Variants in GARIN1B observed in about 807,000 individuals in gnomAD.
GARIN1B encodes golgi associated RAB2 interactor 1B, also known as Golgi-associated RAB2 interactor protein 1B.
At chr7:128,720,521 C>T in the GARIN1B span, among the ~76,000 whole-genome samples, 18 of 152,122 alleles carry the variant, frequency 1.2e-4, no homozygotes, top group Non-Finnish European at 2.2e-4. Flanking sequence ...CTATGCATAC[C>T]TAAGAACTCT....
chr7:128,721,184 T>C, the GARIN1B span, among the ~76,000 whole-genome samples: 7 of 152,174 alleles, frequency 4.6e-5, no homozygotes, highest in African/African-American at 1.7e-4. Context: ...AATGGGGTCT[T>C]GCTCTGTTGC....
the GARIN1B span, chr7:128,714,079 T>C: frequency 6.5e-7 from 1 of 1,535,902 alleles, no homozygotes; most frequent in Non-Finnish European, 8.7e-7. Context: ...TAACAGGTGC[T>C]GGAGCAGGGG....
At chr7:128,715,662 C>T in the GARIN1B span, 1 of 1,614,120 alleles carries the variant, frequency 6.2e-7, no homozygotes, top group Non-Finnish European at 8.5e-7. Context: ...TTTCTTGACT[C>T]CGTGGTGTTT....
At chr7:128,728,116 G>T in the GARIN1B span, among the ~76,000 whole-genome samples, 1 of 152,134 alleles carries the variant, frequency 6.6e-6, no homozygotes, top group Non-Finnish European at 1.5e-5. Flanking sequence ...TCTAAATCAG[G>T]GATTACAAAT....
At chr7:128,723,144 T>C in the GARIN1B span, 1 of 1,492,782 alleles carries the variant, frequency 6.7e-7, no homozygotes, top group Non-Finnish European at 9.0e-7. Flanking sequence ...ATTAGGAAAA[T>C]GTGAAGACCC....
chr7:128,726,854 C>T, the GARIN1B span: 1 of 1,614,008 alleles, frequency 6.2e-7, no homozygotes, highest in Non-Finnish European at 8.5e-7. Context: ...AAGGTGGAGA[C>T]CAACAAGAAC....
chr7:128,727,899 A>G, the GARIN1B span, among the ~76,000 whole-genome samples: 1 of 152,140 alleles, frequency 6.6e-6, no homozygotes, highest in Non-Finnish European at 1.5e-5. Flanking sequence ...ATATTTCTTC[A>G]GTGAATACTA....
chr7:128,718,151 G>T, the GARIN1B span, among the ~76,000 whole-genome samples: 1 of 152,110 alleles, frequency 6.6e-6, no homozygotes, highest in African/African-American at 2.4e-5. Context: ...AAGAAATTTT[G>T]GCTGGGCGCG....
the GARIN1B span, among the ~76,000 whole-genome samples, chr7:128,714,501 T>G: frequency 6.6e-6 from 1 of 151,710 alleles, no homozygotes; most frequent in South Asian, 2.1e-4. Flanking sequence ...TCGCTTGAAC[T>G]CGGGAGGCAG....
At chr7:128,717,092 A>G in the GARIN1B span, 2 of 1,154,102 alleles carry the variant, frequency 1.7e-6, no homozygotes, top group Non-Finnish European at 2.4e-6. Flanking sequence ...GAAGATAGAG[A>G]TGTCATCAGC....
the GARIN1B span, among the ~76,000 whole-genome samples, chr7:128,710,788 G>T: frequency 2.0e-5 from 3 of 151,754 alleles, no homozygotes; most frequent in Admixed American, 2.0e-4. Flanking sequence ...TGAGTAGTTG[G>T]GATTACAGCC....
the GARIN1B span, among the ~76,000 whole-genome samples, chr7:128,716,365 C>T: frequency 1.5e-4 from 23 of 151,882 alleles, no homozygotes; most frequent in Admixed American, 6.6e-5. Flanking sequence ...CGGGGAAGGA[C>T]CAAGAGGATA....
chr7:128,712,028 G>A, the GARIN1B span, among the ~76,000 whole-genome samples: 10 of 152,232 alleles, frequency 6.6e-5, no homozygotes, highest in African/African-American at 2.4e-4. Context: ...ATGACAGAGC[G>A]AGACTCCGCC....
the GARIN1B span, chr7:128,731,226 A>T: frequency 9.9e-7 from 1 of 1,009,258 alleles, no homozygotes. Context: ...GCAACCAAGG[A>T]AGAATAGAGT....
At chr7:128,709,750 C>CTGTCTT in the GARIN1B span, among the ~76,000 whole-genome samples, 50,300 of 113,504 alleles carry the variant, frequency 0.44, 14,145 homozygotes, top group Middle Eastern at 0.6. Flanking sequence ...CTCTCTCTCT[C>CTGTCTT]TTTTTTTTTT....
At chr7:128,711,479 C>T in the GARIN1B span, among the ~76,000 whole-genome samples, 1 of 151,876 alleles carries the variant, frequency 6.6e-6, no homozygotes, top group Non-Finnish European at 1.5e-5. Context: ...TGGGTACTGA[C>T]TTGGATAAGC....
chr7:128,726,396 T>C, the GARIN1B span, among the ~76,000 whole-genome samples: 3 of 152,268 alleles, frequency 2.0e-5, no homozygotes, highest in African/African-American at 4.8e-5. Flanking sequence ...CATTTAGCTC[T>C]TTCTTGTTAG....
the GARIN1B span, among the ~76,000 whole-genome samples, chr7:128,721,828 G>T: frequency 6.6e-6 from 1 of 151,970 alleles, no homozygotes; most frequent in Non-Finnish European, 1.5e-5. Flanking sequence ...TATTAGATTT[G>T]TTAAATGCTT....
At chr7:128,716,635 T>G in the GARIN1B span, among the ~76,000 whole-genome samples, 11 of 151,448 alleles carry the variant, frequency 7.3e-5, no homozygotes, top group East Asian at 5.8e-4. Context: ...CTACTAGAAC[T>G]AGTAGGTAGA....
Sources: allele counts gnomAD v4.1 joint callset (sites outside exome capture counted in the v4.1 genomes callset), GRCh38; gene constraint gnomAD v4.1.1; transcripts MANE v1.5; gene names NCBI Gene and HGNC (gene_info 2026-07-23, HGNC 2026-07-21).